WSCD2: variants seen among roughly 807,000 people sequenced by gnomAD.
The protein encoded by WSCD2 is WSC domain sialate O sulfotransferase 2.
WSCD2 carries 28 observed loss-of-function variants against 55.7 expected under a neutral mutation model. That is an observed-to-expected ratio of 0.50 (90% confidence interval 0.37 to 0.69). The LOEUF (loss-of-function observed/expected upper bound fraction) is 0.69, where lower values mean the gene tolerates loss of function less well. Ranked by LOEUF, WSCD2 falls within the 30% of genes least tolerant of loss-of-function variation. The probability of loss-of-function intolerance (pLI) is 0.00; values close to 1 mark genes in which losing one functional copy is unlikely to be tolerated. For synonymous variants in WSCD2, 301 were observed against 301.9 expected (o/e 1.00, Z 0.03); for missense variants, 616 against 762.1 (o/e 0.81, Z 2.26).
chr12:108,153,110 C>CAAACAAAA (rs1233392285), intron 1 of WSCD2, among the ~76,000 whole-genome samples: 1 of 150,310 alleles, frequency 6.7e-6, no homozygotes, highest in Non-Finnish European at 1.5e-5. Context: ...CTCAAACAAA[C>CAAACAAAA]AAACAAACAA....
chr12:108,240,601 G>A (rs1335223816), intron 8 of WSCD2, 57 bp downstream of exon 8: 1 of 1,391,180 alleles, frequency 7.2e-7, no homozygotes, highest in Non-Finnish European at 9.8e-7. Context: ...GCAGGGGGCG[G>A]TGGGAGGGTC....
rs369590479 is a variant in WSCD2 at position 108,240,564 on chromosome 12, G to A, written c.1345+20G>A. On this transcript the variant is annotated intron_variant, in intron 8 of 8. Coordinates refer to ENST00000547525, the MANE Select transcript of WSCD2 (RefSeq NM_014653.4). ...GCAAAGGTACAGCTCGGGAGAGGAG[G>A]GGAGGGGAGGGGAGGGGCTTCGGGC... 9.7e-5 allele frequency: 150 copies of A among 1,539,648 alleles called. No individual in the cohort carries two copies. Among genetic ancestry groups the A allele is most frequent in the Non-Finnish European group, 1.0e-4 (118 of 1,127,780 alleles).
Position 108,224,638 on chromosome 12 carries a change from C to T in WSCD2, c.683-101C>T, listed in dbSNP as rs934267737. The T allele has an allele frequency of 3.4e-6, 5 of 1,487,656 alleles. No homozygotes were observed. In the African/African-American group the frequency reaches 4.2e-5, roughly 12 times the overall value. The allele number at this position is 1,487,656 out of a possible 1,614,324, so 92.2% of individuals were successfully genotyped here. A position where few individuals can be genotyped will look rare whatever the true frequency, so the allele number is the denominator to read the frequency against. On this transcript the variant is annotated intron_variant, in intron 4 of 8. Transcript: ENST00000547525. ...CTTTGGCTTGCTCTGTGACCTTGGG[C>T]AAGACTCTTGCCTTCTCTGAGCTTT...
intron 1 of WSCD2, among the ~76,000 whole-genome samples, chr12:108,147,291 A>G (rs1444969459): frequency 6.6e-6 from 1 of 152,152 alleles, no homozygotes; most frequent in Non-Finnish European, 1.5e-5. Context: ...CAAGAGAAGC[A>G]GGGTCAGGCG....
chr12:108,189,212 G>A (rs540406465), intron 1 of WSCD2: 6 of 152,118 alleles, frequency 3.9e-5, no homozygotes, highest in Non-Finnish European at 7.3e-5. Flanking sequence ...GAAATAAAGA[G>A]TATACTTACT....
intron 1 of WSCD2, among the ~76,000 whole-genome samples, chr12:108,148,136 G>A (rs1021832837): frequency 6.6e-6 from 1 of 152,146 alleles, no homozygotes; most frequent in Admixed American, 6.5e-5. Flanking sequence ...TTCTTTGTGT[G>A]GCGTGGGGCC....
intron 1 of WSCD2, among the ~76,000 whole-genome samples, chr12:108,154,402 C>T (rs1781440635): frequency 1.3e-5 from 2 of 152,326 alleles, no homozygotes; most frequent in Middle Eastern, 3.4e-3. Context: ...CCTCTGGGCT[C>T]TGTTTCTGTT....
intron 1 of WSCD2, among the ~76,000 whole-genome samples, chr12:108,136,659 A>G (rs985864828): frequency 1.6e-4 from 25 of 152,152 alleles, no homozygotes; most frequent in African/African-American, 5.8e-4. Flanking sequence ...AGAGAGATTC[A>G]TTCACTTATC....
intron 1 of WSCD2, among the ~76,000 whole-genome samples, chr12:108,182,709 G>A (rs1026878363): frequency 6.6e-6 from 1 of 152,150 alleles, no homozygotes; most frequent in African/African-American, 2.4e-5. Flanking sequence ...CATAAGATAA[G>A]GTGAACATCA....
chr12:108,199,672 A>G (rs1884409408), intron 2 of WSCD2, among the ~76,000 whole-genome samples: 1 of 152,246 alleles, frequency 6.6e-6, no homozygotes, highest in Non-Finnish European at 1.5e-5. Flanking sequence ...CAAAGCATTT[A>G]CATCTATTAC....
intron 5 of WSCD2, among the ~76,000 whole-genome samples, 199 bp downstream of exon 5, chr12:108,225,059 G>A (rs1386213898): frequency 1.0e-5 from 1 of 97,364 alleles, no homozygotes. Flanking sequence ...AGATTTTCCT[G>A]CCTTTAAGGA....
chr12:108,201,208 G>A (rs578037087), intron 2 of WSCD2, among the ~76,000 whole-genome samples: 3 of 152,228 alleles, frequency 2.0e-5, no homozygotes, highest in African/African-American at 7.2e-5. Flanking sequence ...ACTCTCAAAG[G>A]CTCAAAGGGA....
At chr12:108,192,918 G>A (rs574532282) in intron 1 of WSCD2, among the ~76,000 whole-genome samples, 1 of 151,906 alleles carries the variant, frequency 6.6e-6, no homozygotes, top group South Asian at 2.1e-4. Context: ...AATTCTGGGA[G>A]CTTATGTGCA....
At chr12:108,163,518 G>A (rs1199067813) in intron 1 of WSCD2, among the ~76,000 whole-genome samples, 1 of 152,218 alleles carries the variant, frequency 6.6e-6, no homozygotes, top group African/African-American at 2.4e-5. Context: ...CCTTAAGCAT[G>A]GTAAGAGGTA....
At chr12:108,149,910 A>G (rs2136909602) in intron 1 of WSCD2, 1 of 152,346 alleles carries the variant, frequency 6.6e-6, no homozygotes, top group East Asian at 1.9e-4. Flanking sequence ...CTAAGAGGTA[A>G]GAACTATTAT....
chr12:108,142,001 C>G (rs1396768691), intron 1 of WSCD2, among the ~76,000 whole-genome samples: 1 of 152,174 alleles, frequency 6.6e-6, no homozygotes, highest in Non-Finnish European at 1.5e-5. Context: ...AAACACACAG[C>G]CTTCCAGGGA....
At chr12:108,170,913 C>T (rs1880175319) in intron 1 of WSCD2, among the ~76,000 whole-genome samples, 1 of 152,172 alleles carries the variant, frequency 6.6e-6, no homozygotes, top group Non-Finnish European at 1.5e-5. Flanking sequence ...AGGGCTAGTT[C>T]TGATCCACAG....
chr12:108,132,759 G>A (rs7953264), intron 1 of WSCD2, among the ~76,000 whole-genome samples: 34,154 of 152,124 alleles, frequency 0.22, 4,012 homozygotes, highest in African/African-American at 0.27. Context: ...AGCTGTGTGT[G>A]TTATTTGCAT....
At chr12:108,159,121 T>A (rs991618664) in intron 1 of WSCD2, among the ~76,000 whole-genome samples, 1 of 152,234 alleles carries the variant, frequency 6.6e-6, no homozygotes, top group Non-Finnish European at 1.5e-5. Flanking sequence ...GATCTAGCCC[T>A]GTCCCACCTC....
Sources: gnomAD v4.1 joint callset for allele counts (sites outside exome capture counted in the v4.1 genomes callset) on GRCh38, gnomAD v4.1.1 for gene constraint, MANE v1.5 for transcripts, NCBI Gene and HGNC (gene_info 2026-07-23, HGNC 2026-07-21) for gene names.